Variants in BST1 observed in about 807,000 individuals in gnomAD.
BST1 encodes ADP-ribosyl cyclase/cyclic ADP-ribose hydrolase 2.
Under a neutral mutation model 40.6 loss-of-function variants are expected in BST1, and 49 were observed. That is an observed-to-expected ratio of 1.21 (90% CI 0.96 to 1.53). The LOEUF is 1.53. BST1 is among the 40% of genes most tolerant of loss of function. BST1 has a pLI of 0.00. For missense variants in BST1, 423 were observed against 395.9 expected, an observed-to-expected ratio of 1.07 and a Z score of -0.58; for synonymous variants, 157 against 159.3, an observed-to-expected ratio of 0.99 and a Z score of 0.11.
the BST1 span, among the ~76,000 whole-genome samples, chr4:15,767,132 C>A: frequency 0.23 from 34,483 of 151,728 alleles, 4,375 homozygotes; most frequent in African/African-American, 0.3. Flanking sequence ...AGAGAAAGTA[C>A]CCAAAGGGAA....
chr4:15,772,025 C>CTT, the BST1 span, among the ~76,000 whole-genome samples: 2 of 151,956 alleles, frequency 1.3e-5, no homozygotes, highest in African/African-American at 4.8e-5. Flanking sequence ...CTCTCTCTCT[C>CTT]TCTCTCTGTA....
chr4:15,715,357 A>G lies in BST1; in HGVS notation c.607A>G (p.Lys203Glu). The change falls in exon 5 of 9, where the codon AAA becomes GAA. Residue 203 changes from lysine (K) to glutamate (E), a missense_variant. Physicochemically the swap from Lys to Glu is moderately conservative, Grantham distance 56. Coordinates refer to ENST00000265016, the MANE Select transcript of BST1 (RefSeq NM_004334.3). Reference sequence around the variant, plus strand: ...AGAGCCAACAGGAGCCTATCCCATCAAAGGGTAAGAACACCAGCACATTCA... The same window carrying G: ...AGAGCCAACAGGAGCCTATCCCATCGAAGGGTAAGAACACCAGCACATTCA... ...GSEPTGAYPI[K>E]GFFADYEIPN... 1 of 1,614,022 alleles carries G rather than the reference A, an allele frequency of 6.2e-7. No individual in the cohort carries two copies.
At chr4:15,731,107 CT>C in intron 8 of BST1, 3 of 437,998 alleles carry the variant, frequency 6.8e-6, no homozygotes, top group South Asian at 2.0e-5. Context: ...ATTGTCTGTC[CT>C]TTTCACGTGG....
chr4:15,730,914 CT>C (rs61278613), intron 8 of BST1: 40,474 of 218,812 alleles, frequency 0.18, 2,420 homozygotes, highest in East Asian at 0.54. Context: ...GCACAATTTG[CT>C]TTTTTTTTTT....
chr4:15,703,108 G>A lies in BST1; in HGVS notation c.-37G>A. 1.3e-6 allele frequency: 2 copies of A among 1,545,442 alleles called. No individual in the cohort carries two copies. Among genetic ancestry groups the A allele is most frequent in the Non-Finnish European group, 1.7e-6 (2 of 1,152,974 alleles). On this transcript the variant is annotated 5_prime_UTR_variant, in exon 1 of 9. Coordinates refer to ENST00000265016, the MANE Select transcript of BST1 (RefSeq NM_004334.3). ...CTTGGTAGAAGGAGAGAAGGGGAGTGGAGGAAGCACGGGACTGGAGGGACC... is the reference window on the plus strand; with the variant it reads ...CTTGGTAGAAGGAGAGAAGGGGAGTAGAGGAAGCACGGGACTGGAGGGACC...
chr4:15,765,277 C>T, the BST1 span, among the ~76,000 whole-genome samples: 3 of 152,004 alleles, frequency 2.0e-5, no homozygotes, highest in African/African-American at 7.3e-5. Flanking sequence ...TCTCTGACTA[C>T]TCTCATTGTC....
the BST1 span, among the ~76,000 whole-genome samples, chr4:15,768,888 T>A: frequency 6.6e-6 from 1 of 152,186 alleles, no homozygotes; most frequent in African/African-American, 2.4e-5. Context: ...CCCAAGAGCA[T>A]GTTTCCAGAA....
At chr4:15,705,102 A>G in intron 1 of BST1, 1 of 663,506 alleles carries the variant, frequency 1.5e-6, no homozygotes, top group Admixed American at 2.1e-5. Context: ...CTCCCTCCTA[A>G]CACTACACAT....
intron 8 of BST1, chr4:15,723,501 G>A: frequency 1.7e-5 from 16 of 949,640 alleles, no homozygotes; most frequent in Non-Finnish European, 2.0e-5. Context: ...GCCTTCCTTG[G>A]CCTCCTAAAG....
At chr4:15,749,334 G>A in the BST1 span, among the ~76,000 whole-genome samples, 7 of 152,292 alleles carry the variant, frequency 4.6e-5, no homozygotes, top group South Asian at 8.3e-4. Context: ...TTTCTGCTAC[G>A]AGCGGGTTTT....
the BST1 span, among the ~76,000 whole-genome samples, chr4:15,750,849 T>A: frequency 3.9e-5 from 6 of 152,182 alleles, no homozygotes; most frequent in Non-Finnish European, 8.8e-5. Context: ...AAATGTAAAA[T>A]TTTATATATG....
chr4:15,751,304 A>G, the BST1 span, among the ~76,000 whole-genome samples: 1 of 152,254 alleles, frequency 6.6e-6, no homozygotes, highest in East Asian at 1.9e-4. Flanking sequence ...ATCCCCTTTA[A>G]TTGAAAAAAA....
At chr4:15,747,892 G>C in the BST1 span, among the ~76,000 whole-genome samples, 1 of 152,164 alleles carries the variant, frequency 6.6e-6, no homozygotes, top group Non-Finnish European at 1.5e-5. Context: ...GCCAAGGCTG[G>C]TCTCGAATTC....
chr4:15,743,501 C>A, the BST1 span: 2 of 285,338 alleles, frequency 7.0e-6, no homozygotes, highest in Non-Finnish European at 6.9e-6. Context: ...AGAACTAAAA[C>A]AGAAAAAAAT....
chr4:15,728,115 C>A (rs1043101474), intron 8 of BST1, among the ~76,000 whole-genome samples: 5 of 151,994 alleles, frequency 3.3e-5, no homozygotes, highest in Non-Finnish European at 7.4e-5. Flanking sequence ...CAGTGTGGCA[C>A]TAAGGGCCAA....
chr4:15,729,625 G>T (rs1411310216), intron 8 of BST1, among the ~76,000 whole-genome samples: 1 of 152,114 alleles, frequency 6.6e-6, no homozygotes, highest in Non-Finnish European at 1.5e-5. Flanking sequence ...GGAAAATTAG[G>T]CTTTTGAGTA....
At chr4:15,710,740 T>C (rs1286277685) in intron 3 of BST1, among the ~76,000 whole-genome samples, 12 of 152,186 alleles carry the variant, frequency 7.9e-5, no homozygotes, top group Non-Finnish European at 1.8e-4. Context: ...GGTTCATCCA[T>C]GTTGTTGCAA....
At chr4:15,764,223 A>G in the BST1 span, among the ~76,000 whole-genome samples, 5 of 152,060 alleles carry the variant, frequency 3.3e-5, no homozygotes, top group Non-Finnish European at 4.4e-5. Flanking sequence ...GCTCTAAAAA[A>G]TGAAGTAAAA....
chr4:15,711,969 C>T lies in BST1; in HGVS notation c.534+80C>T, dbSNP rs10034462. On this transcript the variant is annotated intron_variant, in intron 4 of 8. Transcript: ENST00000265016. ...GAACATAGTCATTCAGAGTCTGGGC[C>T]CCAGGTCATCACTCAACTTCTCTGA... The T allele has an allele frequency of 8.9e-3, 10,874 of 1,228,646 alleles. 644 individuals carry two copies. In the African/African-American group the frequency reaches 0.14, roughly 16 times the overall value. The allele number at this position is 1,228,646 out of a possible 1,614,324, so 76.1% of individuals were successfully genotyped here.
Sources: allele counts gnomAD v4.1 joint callset (sites outside exome capture counted in the v4.1 genomes callset), GRCh38; gene constraint gnomAD v4.1.1; transcripts MANE v1.5; gene names NCBI Gene and HGNC (gene_info 2026-07-23, HGNC 2026-07-21).